Variants in XPR1 observed in about 807,000 individuals in gnomAD.
XPR1 encodes xenotropic and polytropic retrovirus receptor 1.
Under a neutral mutation model 87.5 loss-of-function variants are expected in XPR1, and 28 were observed. That is an observed-to-expected ratio of 0.32 (90% CI 0.24 to 0.44). The LOEUF is 0.44. Ranked by LOEUF, XPR1 falls within the 20% of genes least tolerant of loss-of-function variation. XPR1 has a pLI of 1.00. For synonymous variants in XPR1, 300 were observed against 306.1 expected, an observed-to-expected ratio of 0.98 and a Z score of 0.21; for missense variants, 559 against 862.3, an observed-to-expected ratio of 0.65 and a Z score of 4.41.
intron 2 of XPR1, among the ~76,000 whole-genome samples, chr1:180,778,192 C>T (rs968773127): frequency 9.2e-5 from 14 of 152,002 alleles, no homozygotes; most frequent in Admixed American, 7.9e-4. Flanking sequence ...CTAAGTTGTC[C>T]AGACTGGTCT....
intron 11 of XPR1, among the ~76,000 whole-genome samples, chr1:180,858,000 T>A (rs1177176716): frequency 6.6e-6 from 1 of 152,164 alleles, no homozygotes; most frequent in Non-Finnish European, 1.5e-5. Context: ...GCAGATCACC[T>A]GAGGTTGGGA....
chr1:180,770,951 T>G (rs545161556), intron 2 of XPR1, among the ~76,000 whole-genome samples: 1 of 152,300 alleles, frequency 6.6e-6, no homozygotes, highest in African/African-American at 2.4e-5. Context: ...TTTCAGAGAC[T>G]TTCTGGATCT....
rs193251727 is a variant in XPR1 at position 180,654,640 on chromosome 1, A to G, written c.69+22370A>G. Among the ~76,000 whole-genome samples, 227 of 152,284 alleles carry G rather than the reference A, an allele frequency of 1.5e-3. 1 individual carries two copies. Among genetic ancestry groups the G allele is most frequent in the African/African-American group, 5.1e-3 (214 of 41,568 alleles). The stretch of plus-strand genomic sequence containing the variant: ...CTTCATGATTTTGACTGCTCTAAGT[A>G]CCTCATATAAGTAGAATCATACAGT... On this transcript the variant is annotated intron_variant, in intron 1 of 14. Coordinates refer to ENST00000367590, the MANE Select transcript of XPR1 (RefSeq NM_004736.4).
At chr1:180,640,107 CT>C (rs1437344745) in intron 1 of XPR1, among the ~76,000 whole-genome samples, 1 of 152,194 alleles carries the variant, frequency 6.6e-6, no homozygotes, top group African/African-American at 2.4e-5. Context: ...GATTTATTAT[CT>C]CCATTTTACT....
chr1:180,730,592 C>T (rs908103654), intron 2 of XPR1, among the ~76,000 whole-genome samples: 1 of 152,170 alleles, frequency 6.6e-6, no homozygotes, highest in Admixed American at 6.5e-5. Context: ...CAGCCAGGCT[C>T]TATCACAGCT....
At position 180,644,299 on chromosome 1, in the gene XPR1, C is replaced by T. The variant is rs1048318498; in HGVS notation, c.69+12029C>T. On this transcript the variant is annotated intron_variant, in intron 1 of 14. Coordinates refer to ENST00000367590, the MANE Select transcript of XPR1 (RefSeq NM_004736.4). ...ACAGTGTTTAAATGGGTCAGGTCCT[C>T]GGGTAGGGGTGTCTTCTTCCTGGAT... is the stretch of plus-strand genomic sequence containing the variant. Among the ~76,000 whole-genome samples the T allele has an allele frequency of 3.3e-5, 5 of 152,014 alleles. No individual in the cohort carries two copies. In the South Asian group the frequency reaches 6.2e-4, roughly 19 times the overall value.
chr1:180,778,876 T>C (rs995060555), intron 2 of XPR1, among the ~76,000 whole-genome samples: 1 of 152,232 alleles, frequency 6.6e-6, no homozygotes, highest in Admixed American at 6.5e-5. Context: ...CTATTTAGGC[T>C]TCCCCCTAAA....
chr1:180,754,523 C>G (rs935371652), intron 2 of XPR1, among the ~76,000 whole-genome samples: 1 of 151,958 alleles, frequency 6.6e-6, no homozygotes, highest in Non-Finnish European at 1.5e-5. Flanking sequence ...TATACTGGTG[C>G]GATCTCATCT....
At chr1:180,715,234 T>A (rs1031951739) in intron 2 of XPR1, among the ~76,000 whole-genome samples, 4 of 152,230 alleles carry the variant, frequency 2.6e-5, no homozygotes, top group Admixed American at 2.6e-4. Context: ...AAGGTAATTA[T>A]CTCACACTTC....
intron 11 of XPR1, among the ~76,000 whole-genome samples, chr1:180,856,462 C>T (rs1652037033): frequency 6.6e-6 from 1 of 152,184 alleles, no homozygotes; most frequent in Non-Finnish European, 1.5e-5. Flanking sequence ...GTGTGACTCC[C>T]CAGTCTGTAT....
intron 2 of XPR1, among the ~76,000 whole-genome samples, chr1:180,712,579 A>G (rs1418038989): frequency 1.3e-5 from 2 of 152,174 alleles, no homozygotes; most frequent in Non-Finnish European, 2.9e-5. Flanking sequence ...AGGCCGAGAC[A>G]GTGGATCACC....
intron 11 of XPR1, among the ~76,000 whole-genome samples, chr1:180,845,725 G>C (rs533617607): frequency 6.8e-6 from 1 of 146,340 alleles, no homozygotes; most frequent in East Asian, 2.1e-4. Flanking sequence ...TCTCACTACT[G>C]TTGCCCAGGC....
At chr1:180,647,850 G>A (rs570190691) in intron 1 of XPR1, among the ~76,000 whole-genome samples, 3 of 142,848 alleles carry the variant, frequency 2.1e-5, no homozygotes, top group African/African-American at 8.0e-5. Context: ...GCAGTGAGCC[G>A]AGATCACCCC....
chr1:180,818,975 G>A (rs1319526017), intron 7 of XPR1, among the ~76,000 whole-genome samples: 1 of 151,974 alleles, frequency 6.6e-6, no homozygotes, highest in Non-Finnish European at 1.5e-5. Context: ...TCAGAGACAG[G>A]GTCTCTCTCT....
chr1:180,855,295 T>C (rs928959587), intron 11 of XPR1, among the ~76,000 whole-genome samples: 1 of 152,196 alleles, frequency 6.6e-6, no homozygotes, highest in African/African-American at 2.4e-5. Context: ...AGAGATTAAC[T>C]TTTTTCTAAA....
chr1:180,779,590 A>C (rs1344418630), intron 2 of XPR1, among the ~76,000 whole-genome samples: 2 of 151,758 alleles, frequency 1.3e-5, no homozygotes, highest in African/African-American at 4.8e-5. Context: ...CATCATCTCT[A>C]GTAGAAATAC....
At position 180,832,507 on chromosome 1, in the gene XPR1, G is replaced by A. The variant is rs192574980; in HGVS notation, c.1135-2367G>A. On this transcript the variant is annotated intron_variant, in intron 9 of 14. Coordinates refer to ENST00000367590, the MANE Select transcript of XPR1 (RefSeq NM_004736.4). The stretch of plus-strand genomic sequence containing the variant: ...GGTATTGCCTAGATTTTCTTCTAGA[G>A]TTTTTATGGTTTTAGGTCTTATGTT... Among the ~76,000 whole-genome samples, 21 of 152,252 alleles carry A rather than the reference G, an allele frequency of 1.4e-4. No homozygotes were observed. In the East Asian group the frequency reaches 4.1e-3, roughly 29 times the overall value.
chr1:180,776,021 C>T (rs1157466365), intron 2 of XPR1, among the ~76,000 whole-genome samples: 2 of 152,076 alleles, frequency 1.3e-5, no homozygotes, highest in South Asian at 4.1e-4. Context: ...TGCTGTGATA[C>T]GTTGTTGCCA....
chr1:180,761,620 A>T (rs1284192687), intron 2 of XPR1, among the ~76,000 whole-genome samples: 1 of 152,320 alleles, frequency 6.6e-6, no homozygotes, highest in South Asian at 2.1e-4. Flanking sequence ...GTCAGGAAAC[A>T]ACAGGTGCTG....
Sources: gnomAD v4.1 joint callset for allele counts (sites outside exome capture counted in the v4.1 genomes callset) on GRCh38, gnomAD v4.1.1 for gene constraint, MANE v1.5 for transcripts, NCBI Gene and HGNC (gene_info 2026-07-23, HGNC 2026-07-21) for gene names.